Variants in ITCH observed in about 807,000 individuals in gnomAD.
The protein encoded by ITCH is itchy E3 ubiquitin protein ligase, also known as E3 ubiquitin-protein ligase Itchy homolog.
Under a neutral mutation model 126.8 loss-of-function variants are expected in ITCH, and 28 were observed. That is an observed-to-expected ratio of 0.22 (90% CI 0.16 to 0.30). ITCH has a LOEUF of 0.30. Among genes scored for constraint, ITCH ranks in the 10% least tolerant of loss-of-function variants. The pLI is 1.00. For missense variants in ITCH, 631 were observed against 1,032.4 expected (o/e 0.61, Z 5.33); for synonymous variants, 342 against 340.0 (o/e 1.01, Z -0.06).
chr20:34,485,489 A>C (rs1388022367), intron 20 of ITCH, among the ~76,000 whole-genome samples: 1 of 152,194 alleles, frequency 6.6e-6, no homozygotes, highest in East Asian at 1.9e-4. Flanking sequence ...GGTGTCAAGT[A>C]CGTTTTTCTA....
chr20:34,461,711 A>T (rs1233922898), intron 13 of ITCH, among the ~76,000 whole-genome samples: 27 of 960 alleles, frequency 0.028, no homozygotes, highest in East Asian at 0.05. Flanking sequence ...TCCATCTATA[A>T]AAAAAAAAAA....
At chr20:34,376,926 T>C (rs1029142413) in intron 2 of ITCH, among the ~76,000 whole-genome samples, 1 of 152,204 alleles carries the variant, frequency 6.6e-6, no homozygotes, top group Admixed American at 6.6e-5. Flanking sequence ...TTGACTTTTG[T>C]ACAAACTGGG....
chr20:34,381,725 G>T (rs543135900), intron 2 of ITCH, among the ~76,000 whole-genome samples: 1 of 151,904 alleles, frequency 6.6e-6, no homozygotes, highest in African/African-American at 2.4e-5. Flanking sequence ...CGCGCCTGGC[G>T]TGTGTGCCTG....
chr20:34,421,559 CTCT>C (rs1301755596), intron 6 of ITCH, among the ~76,000 whole-genome samples: 1 of 152,092 alleles, frequency 6.6e-6, no homozygotes, highest in Non-Finnish European at 1.5e-5. Context: ...AACCATTGTT[CTCT>C]TCTTGGACGT....
chr20:34,471,242 G>C (rs1216704425), intron 15 of ITCH, among the ~76,000 whole-genome samples: 9 of 151,450 alleles, frequency 5.9e-5, no homozygotes, highest in Admixed American at 5.9e-4. Flanking sequence ...CAATCTTGTG[G>C]TTCTTCTGTT....
intron 2 of ITCH, among the ~76,000 whole-genome samples, chr20:34,392,771 G>T (rs1295921430): frequency 1.3e-5 from 2 of 151,984 alleles, no homozygotes; most frequent in Non-Finnish European, 2.9e-5. Context: ...GAGTACAGTG[G>T]TGTGATCATA....
At chr20:34,507,506 C>A (rs1990714605) in intron 24 of ITCH, among the ~76,000 whole-genome samples, 189 bp from the exon 25 acceptor site, 1 of 151,420 alleles carries the variant, frequency 6.6e-6, no homozygotes, top group Non-Finnish European at 1.5e-5. Context: ...GGATACCAGT[C>A]CTTTATCAGA....
intron 16 of ITCH, among the ~76,000 whole-genome samples, chr20:34,473,021 C>T (rs1158230290): frequency 2.4e-4 from 37 of 152,164 alleles, no homozygotes. Context: ...AACCTAAAGT[C>T]TTTTGCAAAA....
At chr20:34,400,241 A>AT (rs1211985552) in intron 3 of ITCH, among the ~76,000 whole-genome samples, 10 of 151,424 alleles carry the variant, frequency 6.6e-5, no homozygotes, top group South Asian at 2.1e-4. Context: ...CCGGCCAAAA[A>AT]TTTTTTTTTG....
At chr20:34,486,082 A>G (rs1300827260) in intron 20 of ITCH, among the ~76,000 whole-genome samples, 1 of 151,948 alleles carries the variant, frequency 6.6e-6, no homozygotes, top group East Asian at 1.9e-4. Flanking sequence ...TGGTAGAGTC[A>G]TGGTTCACTG....
chr20:34,503,249 TGTGTCTGACA>T (rs1249549914), intron 23 of ITCH, among the ~76,000 whole-genome samples: 1 of 152,210 alleles, frequency 6.6e-6, no homozygotes, highest in African/African-American at 2.4e-5. Context: ...GAAAGTTCTT[TGTGTCTGACA>T]GTGTCACACA....
chr20:34,410,367 C>CT (rs1978826433), intron 4 of ITCH, among the ~76,000 whole-genome samples: 2 of 138,822 alleles, frequency 1.4e-5, no homozygotes, highest in Admixed American at 1.5e-4. Flanking sequence ...AAGTGAAACT[C>CT]TGTCTCAAAA....
chr20:34,405,185 G>A (rs2039018238), intron 3 of ITCH, among the ~76,000 whole-genome samples: 1 of 149,896 alleles, frequency 6.7e-6, no homozygotes. Flanking sequence ...GGGTTTGGTA[G>A]GATTATGTAG....
chr20:34,476,446 A>G lies in ITCH; in HGVS notation c.1570-1326A>G. 5.7e-6 allele frequency: 7 copies of G among 1,218,994 alleles called. No homozygotes were observed. In the Admixed American group the frequency reaches 1.7e-4, roughly 30 times the overall value. 75.5% of individuals were successfully genotyped at this position (1,218,994 alleles called of 1,614,324 possible). ...GCCGAGGACCGCAGAAGCGGCGCGC[A>G]GCAGCCGGGCGCCCCCAGCGGCAGC... On this transcript the variant is annotated intron_variant, in intron 16 of 24. Coordinates refer to ENST00000374864, the MANE Select transcript of ITCH (RefSeq NM_031483.7).
chr20:34,390,565 T>TTAGC (rs1447021459), intron 2 of ITCH, among the ~76,000 whole-genome samples: 1 of 142,464 alleles, frequency 7.0e-6, no homozygotes, highest in African/African-American at 2.6e-5. Flanking sequence ...TCCTCCCGCC[T>TTAGC]CAGCCTCCCA....
At chr20:34,463,607 GTTT>G (rs955876341) in intron 14 of ITCH, among the ~76,000 whole-genome samples, 1 of 144,842 alleles carries the variant, frequency 6.9e-6, no homozygotes, top group Non-Finnish European at 1.5e-5. Context: ...CAACTCTTCT[GTTT>G]TTTTTTTCTT....
intron 14 of ITCH, among the ~76,000 whole-genome samples, chr20:34,469,735 A>G (rs915907454): frequency 1.3e-5 from 2 of 152,192 alleles, no homozygotes; most frequent in African/African-American, 4.8e-5. Flanking sequence ...AAAGGAGGGA[A>G]TTGATGTTGG....
intron 6 of ITCH, among the ~76,000 whole-genome samples, chr20:34,418,561 AC>A (rs1342177129): frequency 1.3e-5 from 2 of 152,042 alleles, no homozygotes; most frequent in African/African-American, 4.8e-5. Flanking sequence ...TTTTTGCTTT[AC>A]CAAATATTAT....
At chr20:34,413,202 A>T (rs550650810) in intron 5 of ITCH, among the ~76,000 whole-genome samples, 39 of 152,254 alleles carry the variant, frequency 2.6e-4, no homozygotes, top group Admixed American at 1.4e-3. Flanking sequence ...GCTTATTTTT[A>T]AAAATGTCCT....
Sources: allele counts gnomAD v4.1 joint callset (sites outside exome capture counted in the v4.1 genomes callset), GRCh38; gene constraint gnomAD v4.1.1; transcripts MANE v1.5; gene names NCBI Gene and HGNC (gene_info 2026-07-23, HGNC 2026-07-21).